Variants in FOXJ3 observed in about 807,000 individuals in gnomAD.
FOXJ3 encodes forkhead box protein J3.
A neutral mutation model predicts 76.1 loss-of-function variants in FOXJ3; 22 were observed. The ratio of observed to expected loss-of-function variants is 0.29; its 90% CI spans 0.21 to 0.41. The LOEUF (loss-of-function observed/expected upper bound fraction) is 0.41, where lower values mean the gene tolerates loss of function less well. Ranked by LOEUF, FOXJ3 falls within the 10% of genes least tolerant of loss-of-function variation. FOXJ3 has a pLI of 1.00. For missense variants in FOXJ3, 613 were observed against 762.1 expected (o/e 0.80, Z 2.30); for synonymous variants, 269 against 261.2 (o/e 1.03, Z -0.29).
chr1:42,217,507 G>A (rs147567041), intron 5 of FOXJ3, among the ~76,000 whole-genome samples: 17 of 151,514 alleles, frequency 1.1e-4, no homozygotes, highest in African/African-American at 3.1e-4. Flanking sequence ...CCAGCCTGGC[G>A]ACAGGGCAAG....
intron 3 of FOXJ3, among the ~76,000 whole-genome samples, chr1:42,276,487 C>A (rs1471011323): frequency 1.3e-5 from 2 of 152,092 alleles, no homozygotes; most frequent in African/African-American, 4.8e-5. Flanking sequence ...CTTCATTTAG[C>A]ACTACTAATG....
chr1:42,279,106 T>C (rs746355915), intron 2 of FOXJ3, among the ~76,000 whole-genome samples: 10 of 152,044 alleles, frequency 6.6e-5, no homozygotes, highest in Non-Finnish European at 8.8e-5. Context: ...AGGAGAGTCA[T>C]AAAAACAAAT....
chr1:42,273,220 C>T (rs1651992268), intron 3 of FOXJ3, among the ~76,000 whole-genome samples: 1 of 152,178 alleles, frequency 6.6e-6, no homozygotes, highest in African/African-American at 2.4e-5. Context: ...GAGCTTTTTA[C>T]ACAGCATAAT....
At chr1:42,218,052 T>C (rs1394124870) in intron 5 of FOXJ3, among the ~76,000 whole-genome samples, 1 of 152,180 alleles carries the variant, frequency 6.6e-6, no homozygotes, top group Non-Finnish European at 1.5e-5. Context: ...GTACACTCAG[T>C]AGTTTTCCCA....
intron 1 of FOXJ3, among the ~76,000 whole-genome samples, chr1:42,333,235 G>A (rs536949970): frequency 1.3e-5 from 2 of 152,018 alleles, no homozygotes; most frequent in East Asian, 3.9e-4. Flanking sequence ...TATACGAACT[G>A]TACCAGATAA....
intron 2 of FOXJ3, chr1:42,280,454 A>AAAC (rs1652620371): frequency 1.0e-6 from 1 of 965,550 alleles, no homozygotes; most frequent in South Asian, 4.8e-5. Flanking sequence ...AAAAAAAAAA[A>AAAC]AAAAAAAAAA....
chr1:42,227,790 A>G lies in FOXJ3; in HGVS notation c.528+93T>C, dbSNP rs1647692185. ...ACAAATAAAATCTTACCATCATTAT[A>G]GTTACATGTGCTAGACTGGAAAAGA... is the stretch of plus-strand genomic sequence containing the variant. On this transcript the variant is annotated intron_variant, in intron 5 of 12. Coordinates refer to ENST00000361346, the MANE Select transcript of FOXJ3 (RefSeq NM_014947.5). 5 of 578,852 alleles carry G rather than the reference A, an allele frequency of 8.6e-6. No homozygotes were observed. The East Asian group carries it at 1.5e-4, about 17-fold the overall frequency. 35.9% of individuals were successfully genotyped at this position (578,852 alleles called of 1,614,324 possible).
chr1:42,234,063 C>T (rs184053331), intron 4 of FOXJ3, among the ~76,000 whole-genome samples: 1 of 152,302 alleles, frequency 6.6e-6, no homozygotes, highest in African/African-American at 2.4e-5. Flanking sequence ...GGTCTTTTCA[C>T]ATAGTCCCAT....
At chr1:42,333,590 G>A (rs185699389) in intron 1 of FOXJ3, among the ~76,000 whole-genome samples, 2 of 152,110 alleles carry the variant, frequency 1.3e-5, no homozygotes. Context: ...AAAGAGAGGA[G>A]TTACTGCTTT....
intron 4 of FOXJ3, among the ~76,000 whole-genome samples, chr1:42,254,475 A>G (rs1650399725): frequency 6.9e-6 from 1 of 144,580 alleles, no homozygotes; most frequent in Admixed American, 7.0e-5. Flanking sequence ...GTATATACCC[A>G]AAGGACTATA....
intron 2 of FOXJ3, among the ~76,000 whole-genome samples, chr1:42,289,783 G>A (rs1653299559): frequency 6.6e-6 from 1 of 152,068 alleles, no homozygotes; most frequent in South Asian, 2.1e-4. Flanking sequence ...ATGATTACCT[G>A]AGTTGGAGTT....
chr1:42,230,361 C>T (rs1026869152), intron 4 of FOXJ3, among the ~76,000 whole-genome samples: 2 of 152,100 alleles, frequency 1.3e-5, no homozygotes, highest in Admixed American at 1.3e-4. Flanking sequence ...CAGGTACAGG[C>T]TAAGTATCCC....
chr1:42,210,083 G>C (rs912191732), intron 5 of FOXJ3, among the ~76,000 whole-genome samples: 10 of 152,232 alleles, frequency 6.6e-5, no homozygotes, highest in African/African-American at 2.4e-4. Context: ...TGTGAGACCT[G>C]TGTTGCCAAG....
chr1:42,222,571 G>C (rs968264525), intron 5 of FOXJ3, among the ~76,000 whole-genome samples: 1 of 152,172 alleles, frequency 6.6e-6, no homozygotes, highest in African/African-American at 2.4e-5. Flanking sequence ...TACAAAAGGT[G>C]TGGTCTGATA....
At chr1:42,241,848 C>G (rs1165073549) in intron 4 of FOXJ3, among the ~76,000 whole-genome samples, 1 of 152,228 alleles carries the variant, frequency 6.6e-6, no homozygotes, top group African/African-American at 2.4e-5. Flanking sequence ...CACCGTCACA[C>G]TACCCAGGGT....
At chr1:42,194,616 T>G (rs1032324885) in intron 8 of FOXJ3, among the ~76,000 whole-genome samples, 4 of 152,208 alleles carry the variant, frequency 2.6e-5, no homozygotes, top group African/African-American at 4.8e-5. Flanking sequence ...GTTTCCCATA[T>G]GGTATAGATG....
rs777144814 is a variant in FOXJ3, at chr1:42,189,354, G to T, written c.1402C>A (p.Arg468=). The change falls in exon 10 of 13, where the codon CGA becomes AGA. Residue 468 remains arginine (R), a synonymous_variant. Coordinates refer to ENST00000361346, the MANE Select transcript of FOXJ3 (RefSeq NM_014947.5). The part of the protein sequence containing the change: ...ATLDMLKESC[R]IASSVNWSDV... ...GACCAATTAACACTGCTGGCAATTC[G>T]ACAGCTTTCTTTTAGCATATCAAGT... The T allele has an allele frequency of 6.2e-7, 1 of 1,613,540 alleles. No individual in the cohort carries two copies. The highest frequency in any genetic ancestry group is 8.5e-7 in the Non-Finnish European group (1 of 1,179,570).
chr1:42,335,689 CG>C (rs1656455937), upstream of FOXJ3: 1 of 152,246 alleles, frequency 6.6e-6, no homozygotes, highest in African/African-American at 2.4e-5. Context: ...CCTGGCACAC[CG>C]CGGATTCCGG....
intron 5 of FOXJ3, 119 bp from the exon 6 acceptor site, chr1:42,205,982 G>C: frequency 1.6e-6 from 1 of 616,910 alleles, no homozygotes. Flanking sequence ...TTCTGAAAAT[G>C]AATTTAAATC....
Sources: allele counts gnomAD v4.1 joint callset (sites outside exome capture counted in the v4.1 genomes callset), GRCh38; gene constraint gnomAD v4.1.1; transcripts MANE v1.5; gene names NCBI Gene and HGNC (gene_info 2026-07-23, HGNC 2026-07-21).